The following NBAS variants were observed in gnomAD, a reference collection of about 807,000 sequenced individuals.
NBAS encodes NBAS subunit of NRZ tethering complex.
In NBAS, 219 loss-of-function variants were observed where a neutral mutation model predicts 302.5. The ratio of observed to expected loss-of-function variants is 0.72; its 90% confidence interval spans 0.65 to 0.81. The LOEUF is 0.81. NBAS is among the 30% of genes least tolerant of loss of function. NBAS has a pLI of 0.00. For missense variants in NBAS, 2,932 were observed against 2,841.6 expected (o/e 1.03, Z -0.72); for synonymous variants, 1,118 against 1,021.6 (o/e 1.09, Z -1.80).
chr2:15,366,434 C>T, intron 32 of NBAS, 146 bp downstream of exon 32: 1 of 779,248 alleles, frequency 1.3e-6, no homozygotes, highest in Admixed American at 2.0e-5. Flanking sequence ...TTTCACTGCA[C>T]TCCAGCCTGA....
At chr2:14,825,758 G>A in the NBAS span, among the ~76,000 whole-genome samples, 1 of 152,178 alleles carries the variant, frequency 6.6e-6, no homozygotes, top group East Asian at 1.9e-4. Context: ...GGGTTTAGAG[G>A]AGTTTAGATG....
Position 15,474,257 on chromosome 2 carries a change from TCTC to T in NBAS, c.1406_1408del (p.Gly469del). On this transcript the variant is annotated inframe_deletion, in exon 15 of 52. Transcript: ENST00000281513. The stretch of plus-strand genomic sequence containing the variant: ...TTCATAATCAGAATCAGAATCCTCT[TCTC>T]CTTCATCTTCTTCTCCAGCTCTAGT... 4 of 1,613,948 alleles carry T rather than the reference TCTC, an allele frequency of 2.5e-6. No homozygotes were observed. The highest frequency in any genetic ancestry group is 3.3e-4 in the Middle Eastern group (2 of 6,062).
intron 35 of NBAS, among the ~76,000 whole-genome samples, chr2:15,338,896 C>T (rs759910947): frequency 7.9e-5 from 12 of 152,026 alleles, no homozygotes; most frequent in Non-Finnish European, 1.8e-4. Flanking sequence ...GCCTGTAGTC[C>T]TAGCTACTTG....
At chr2:14,780,039 T>A in the NBAS span, among the ~76,000 whole-genome samples, 1 of 152,196 alleles carries the variant, frequency 6.6e-6, no homozygotes, top group Non-Finnish European at 1.5e-5. Flanking sequence ...TTCAGTCTCC[T>A]CTTTTTTCTG....
chr2:15,443,432 A>G (rs1678548453), intron 21 of NBAS, among the ~76,000 whole-genome samples: 1 of 152,084 alleles, frequency 6.6e-6, no homozygotes, highest in Non-Finnish European at 1.5e-5. Context: ...TGCAGAAAAG[A>G]CCTTTGACAA....
chr2:15,172,367 T>G (rs1664337794), intron 51 of NBAS, among the ~76,000 whole-genome samples: 1 of 152,228 alleles, frequency 6.6e-6, no homozygotes, highest in Admixed American at 6.5e-5. Flanking sequence ...ATGTGAAGGA[T>G]TCTCTGTATA....
rs762743751 is a variant in NBAS, at chr2:15,475,671, C to A, written c.1341+16G>T. On this transcript the variant is annotated intron_variant, in intron 14 of 51. Transcript: ENST00000281513. ...AAATACATAACTATTCTCAAACAAA[C>A]AGGAAAAAGCCTTACCTCCAAACTT... The A allele has an allele frequency of 8.7e-6, 14 of 1,612,854 alleles. No individual in the cohort carries two copies. The Admixed American group carries it at 2.3e-4, about 27-fold the overall frequency.
chr2:14,856,013 G>A, the NBAS span, among the ~76,000 whole-genome samples: 1 of 152,168 alleles, frequency 6.6e-6, no homozygotes, highest in Non-Finnish European at 1.5e-5. Flanking sequence ...AGCCATAGTT[G>A]CGGTGGCCAT....
At chr2:14,899,078 GC>G in the NBAS span, among the ~76,000 whole-genome samples, 1 of 152,174 alleles carries the variant, frequency 6.6e-6, no homozygotes, top group African/African-American at 2.4e-5. Flanking sequence ...CAGCAGGGTG[GC>G]TGGACTTCTT....
At chr2:15,038,572 G>A in the NBAS span, among the ~76,000 whole-genome samples, 2 of 152,172 alleles carry the variant, frequency 1.3e-5, no homozygotes, top group Non-Finnish European at 2.9e-5. Context: ...ACAGACATCT[G>A]CTGCCTGGTG....
chr2:14,913,176 A>G, the NBAS span, among the ~76,000 whole-genome samples: 3 of 152,198 alleles, frequency 2.0e-5, no homozygotes, highest in Non-Finnish European at 4.4e-5. Flanking sequence ...CAGGGGCTGC[A>G]ATCCGCATTG....
At chr2:15,330,867 G>A in intron 35 of NBAS, 102 bp from the exon 36 acceptor site, 1 of 1,264,998 alleles carries the variant, frequency 7.9e-7, no homozygotes, top group Admixed American at 2.5e-5. Context: ...TATTAAACTT[G>A]AAGACAGACA....
At chr2:15,327,420 A>G (rs1183660959) in intron 38 of NBAS, among the ~76,000 whole-genome samples, 1 of 152,240 alleles carries the variant, frequency 6.6e-6, no homozygotes, top group Non-Finnish European at 1.5e-5. Context: ...TCTACATTCT[A>G]TTAAGCATAA....
At chr2:15,056,511 C>T in the NBAS span, among the ~76,000 whole-genome samples, 271 of 152,270 alleles carry the variant, frequency 1.8e-3, 4 homozygotes, top group African/African-American at 6.2e-3. Context: ...TCTCATCTGT[C>T]GAATGGGAGT....
chr2:15,064,334 G>C, the NBAS span, among the ~76,000 whole-genome samples: 113 of 145,378 alleles, frequency 7.8e-4, no homozygotes, highest in Non-Finnish European at 1.4e-3. Context: ...GAAACGAGGA[G>C]ACATTACAAC....
intron 47 of NBAS, among the ~76,000 whole-genome samples, chr2:15,230,171 C>T (rs1193425687): frequency 6.6e-6 from 1 of 152,076 alleles, no homozygotes; most frequent in African/African-American, 2.4e-5. Flanking sequence ...GAATGAATAA[C>T]TTGACAGCAT....
At chr2:15,318,840 C>T (rs747014648) in intron 38 of NBAS, among the ~76,000 whole-genome samples, 4 of 152,072 alleles carry the variant, frequency 2.6e-5, no homozygotes, top group African/African-American at 9.7e-5. Flanking sequence ...GACAGATCAA[C>T]GAGAAAGAAG....
the NBAS span, among the ~76,000 whole-genome samples, chr2:15,014,533 G>C: frequency 1.3e-5 from 2 of 151,662 alleles, no homozygotes; most frequent in Non-Finnish European, 2.9e-5. Flanking sequence ...CTGACCAATG[G>C]GTAAAGGAAG....
the NBAS span, among the ~76,000 whole-genome samples, chr2:14,965,014 G>T: frequency 6.6e-6 from 1 of 152,004 alleles, no homozygotes; most frequent in African/African-American, 2.4e-5. Context: ...ATATAAAAGT[G>T]TGTGGTATAC....
Sources: gnomAD v4.1 joint callset for allele counts (sites outside exome capture counted in the v4.1 genomes callset) on GRCh38, gnomAD v4.1.1 for gene constraint, MANE v1.5 for transcripts, NCBI Gene and HGNC (gene_info 2026-07-23, HGNC 2026-07-21) for gene names.